The following COA1 variants were observed in gnomAD, a reference collection of about 807,000 sequenced individuals.
COA1 encodes cytochrome c oxidase assembly factor 1 homolog.
A neutral mutation model predicts 16.0 loss-of-function variants in COA1; 13 were observed. The ratio of observed to expected loss-of-function variants is 0.81; its 90% confidence interval spans 0.53 to 1.29. COA1 has a LOEUF of 1.29. Among genes scored for constraint, COA1 ranks in the 50% most tolerant of loss-of-function variants. The pLI is 0.00. For synonymous variants in COA1, 65 were observed against 65.7 expected (o/e 0.99, Z 0.05); for missense variants, 179 against 177.0 (o/e 1.01, Z -0.06).
At chr7:43,664,403 T>C (rs1054114593) in intron 1 of COA1, among the ~76,000 whole-genome samples, 3 of 152,216 alleles carry the variant, frequency 2.0e-5, no homozygotes, top group Non-Finnish European at 2.9e-5. Context: ...ATAAAATCTA[T>C]GGTGTTTTAA....
In COA1 at chr7:43,624,002, C is replaced by G. The variant is rs973796727; in HGVS notation, c.*134-14507G>C. On this transcript the variant is annotated intron_variant and NMD_transcript_variant, in intron 6 of 6. Transcript: ENST00000415076. Reference sequence around the variant, plus strand: ...CCTCCAACCAAAAATAGTTCAACTTCTAAAACACCATAATGGAAACACAAA... The same window carrying G: ...CCTCCAACCAAAAATAGTTCAACTTGTAAAACACCATAATGGAAACACAAA... The G allele has an allele frequency of 2.0e-5, 14 of 696,590 alleles. No homozygotes were observed. The East Asian group carries it at 2.6e-4, about 13-fold the overall frequency. The allele number at this position is 696,590 out of a possible 1,614,324, so 43.2% of individuals were successfully genotyped here. A position where few individuals can be genotyped will look rare whatever the true frequency, so the allele number is the denominator to read the frequency against.
intron 1 of COA1, among the ~76,000 whole-genome samples, chr7:43,658,308 G>A (rs755000176): frequency 6.6e-6 from 1 of 151,588 alleles, no homozygotes; most frequent in Admixed American, 6.6e-5. Flanking sequence ...GCAGTGAGCC[G>A]AGATTGCGCC....
intron 1 of COA1, among the ~76,000 whole-genome samples, chr7:43,695,892 T>C (rs547739704): frequency 5.5e-4 from 84 of 152,212 alleles, no homozygotes; most frequent in Non-Finnish European, 1.0e-3. Flanking sequence ...GCAACTCCCT[T>C]ACAAATACGA....
chr7:43,637,297 G>A (rs2086054911), downstream of COA1, among the ~76,000 whole-genome samples: 1 of 152,110 alleles, frequency 6.6e-6, no homozygotes. Flanking sequence ...TAAGGAACTT[G>A]TGGGTGGAGG....
intron 1 of COA1, among the ~76,000 whole-genome samples, chr7:43,711,901 T>C (rs1237380662): frequency 6.6e-6 from 1 of 152,186 alleles, no homozygotes. Flanking sequence ...ACTGAACATA[T>C]AATATATAAA....
At chr7:43,699,625 GT>G (rs2094641968) in intron 1 of COA1, among the ~76,000 whole-genome samples, 1 of 152,214 alleles carries the variant, frequency 6.6e-6, no homozygotes, top group East Asian at 1.9e-4. Context: ...AGAATGTTTT[GT>G]TTCAATATGT....
intron 6 of COA1, chr7:43,622,411 T>A (rs1018038717): frequency 6.6e-6 from 1 of 152,212 alleles, no homozygotes; most frequent in Non-Finnish European, 1.5e-5. Context: ...GAGTATTTCG[T>A]TTTTTCATAG....
At position 43,647,834 on chromosome 7, in the gene COA1, G is replaced by A. The variant is rs917131101; in HGVS notation, c.16-200C>T. 38 of 583,614 alleles carry A rather than the reference G, an allele frequency of 6.5e-5. 1 individual carries two copies. Among genetic ancestry groups the A allele is most frequent in the African/African-American group, 5.0e-4 (27 of 53,484 alleles). The allele number at this position is 583,614 out of a possible 1,614,324, so 36.2% of individuals were successfully genotyped here. On this transcript the variant is annotated intron_variant, in intron 2 of 5. Coordinates refer to ENST00000223336, the MANE Select transcript of COA1 (RefSeq NM_018224.4). Reference sequence around the variant, plus strand: ...AGTGCCCTCCTGAGGGTGCCCTCTCGAGAGTGGCCCATGTCCAGGACCCAT... The same window carrying A: ...AGTGCCCTCCTGAGGGTGCCCTCTCAAGAGTGGCCCATGTCCAGGACCCAT...
chr7:43,703,922 G>A (rs1255180717), intron 1 of COA1, among the ~76,000 whole-genome samples: 1 of 152,066 alleles, frequency 6.6e-6, no homozygotes, highest in Non-Finnish European at 1.5e-5. Flanking sequence ...TGTGTCAGTG[G>A]GCTATGTACT....
chr7:43,644,789 G>GAGAGAGAGAGAGAGAGAGAGA (rs1442537142), intron 4 of COA1, among the ~76,000 whole-genome samples: 3 of 104,418 alleles, frequency 2.9e-5, no homozygotes, highest in Admixed American at 1.1e-4. Flanking sequence ...CAGGCAGGCA[G>GAGAGAGAGAGAGAGAGAGAGA]GCAGAGAGAC....
intron 6 of COA1, chr7:43,623,302 G>A (rs759212980): frequency 2.7e-6 from 1 of 367,384 alleles, no homozygotes; most frequent in Non-Finnish European, 4.9e-6. Context: ...GAGATTGTCA[G>A]TTTATGTTTG....
At chr7:43,619,190 G>T (rs10239225) in intron 6 of COA1, among the ~76,000 whole-genome samples, 22,261 of 152,190 alleles carry the variant, frequency 0.15, 2,164 homozygotes, top group Non-Finnish European at 0.21. Flanking sequence ...AATGAAGGCA[G>T]ATTCAGTCAA....
At chr7:43,623,473 A>T in intron 6 of COA1, 1 of 917,498 alleles carries the variant, frequency 1.1e-6, no homozygotes, top group Non-Finnish European at 1.7e-6. Context: ...AACGTTGGAT[A>T]GTGCCTTATA....
intron 1 of COA1, among the ~76,000 whole-genome samples, chr7:43,668,953 G>A (rs1369627206): frequency 6.6e-6 from 1 of 152,170 alleles, no homozygotes; most frequent in African/African-American, 2.4e-5. Flanking sequence ...CTTATGTCTT[G>A]TATTAATATT....
chr7:43,681,389 A>G (rs764626429), intron 1 of COA1, among the ~76,000 whole-genome samples: 1 of 152,178 alleles, frequency 6.6e-6, no homozygotes, highest in Non-Finnish European at 1.5e-5. Flanking sequence ...CTCTGTTACT[A>G]AGAATAAAAT....
downstream of COA1, among the ~76,000 whole-genome samples, chr7:43,636,154 A>C (rs188350211): frequency 2.0e-5 from 3 of 152,168 alleles, no homozygotes; most frequent in African/African-American, 7.2e-5. Context: ...TTCATTTCCT[A>C]CTTTTCTGCC....
intron 1 of COA1, among the ~76,000 whole-genome samples, chr7:43,714,092 G>A (rs1585386452): frequency 6.6e-6 from 1 of 152,150 alleles, no homozygotes; most frequent in Admixed American, 6.5e-5. Context: ...AGCTACTCAG[G>A]AGGGAGGATC....
chr7:43,711,477 G>C (rs930139580), intron 1 of COA1: 2 of 152,228 alleles, frequency 1.3e-5, no homozygotes. Context: ...AAGAGAGAGA[G>C]AGAAAGAGAA....
intron 6 of COA1, among the ~76,000 whole-genome samples, chr7:43,613,556 A>G (rs1332730343): frequency 4.6e-5 from 7 of 152,106 alleles, no homozygotes; most frequent in Non-Finnish European, 7.4e-5. Context: ...AGTAGACTAG[A>G]AGAAGGCCAG....
Sources: allele counts gnomAD v4.1 joint callset (sites outside exome capture counted in the v4.1 genomes callset), GRCh38; gene constraint gnomAD v4.1.1; transcripts MANE v1.5; gene names NCBI Gene and HGNC (gene_info 2026-07-23, HGNC 2026-07-21).